MGAT4C: variants seen among roughly 807,000 people sequenced by gnomAD.
MGAT4C encodes the protein MGAT4 family member C.
A neutral mutation model predicts 40.1 loss-of-function variants in MGAT4C; 19 were observed. The observed-to-expected ratio is 0.47, with a 90% CI of 0.33 to 0.70. The LOEUF is 0.70. MGAT4C is among the 30% of genes least tolerant of loss of function. The pLI is 0.02. For synonymous variants in MGAT4C, 181 were observed against 187.1 expected, an observed-to-expected ratio of 0.97 and a Z score of 0.27; for missense variants, 491 against 563.2, an observed-to-expected ratio of 0.87 and a Z score of 1.30.
chr12:86,187,474 AC>A (rs1165246856), intron 1 of MGAT4C, among the ~76,000 whole-genome samples: 6 of 152,044 alleles, frequency 3.9e-5, no homozygotes, highest in African/African-American at 1.4e-4. Context: ...CCTTTGCATT[AC>A]TTTTTTCCTA....
At chr12:86,653,503 C>A (rs1963755319) in intron 2 of MGAT4C, among the ~76,000 whole-genome samples, 1 of 151,854 alleles carries the variant, frequency 6.6e-6, no homozygotes, top group African/African-American at 2.4e-5. Context: ...AATGCTCATA[C>A]CTAGCTGTAT....
chr12:86,114,199 T>G (rs1386555010), intron 1 of MGAT4C, among the ~76,000 whole-genome samples: 1 of 151,900 alleles, frequency 6.6e-6, no homozygotes, highest in African/African-American at 2.4e-5. Flanking sequence ...TCGTCCCTTC[T>G]CTGGCCTCAC....
At chr12:86,629,255 A>C (rs1249853924) in intron 2 of MGAT4C, among the ~76,000 whole-genome samples, 1 of 152,168 alleles carries the variant, frequency 6.6e-6, no homozygotes, top group Non-Finnish European at 1.5e-5. Flanking sequence ...TTCATAAAGC[A>C]GTCCTTAGAG....
chr12:86,765,525 G>C (rs1438130860), intron 1 of MGAT4C, among the ~76,000 whole-genome samples: 1 of 152,088 alleles, frequency 6.6e-6, no homozygotes, highest in Admixed American at 6.6e-5. Flanking sequence ...ACGCCACAAA[G>C]ATACCCCTTG....
chr12:86,125,405 T>C (rs1440788502), intron 1 of MGAT4C, among the ~76,000 whole-genome samples: 2 of 152,194 alleles, frequency 1.3e-5, no homozygotes, highest in African/African-American at 4.8e-5. Context: ...TGGGTCTCAT[T>C]CATTTTTATA....
At chr12:86,024,586 G>A (rs1446299718) in intron 2 of MGAT4C, among the ~76,000 whole-genome samples, 1 of 151,670 alleles carries the variant, frequency 6.6e-6, no homozygotes, top group Non-Finnish European at 1.5e-5. Flanking sequence ...GACAAATCAG[G>A]CCACAAAACT....
rs373461500 is a variant in MGAT4C, at chr12:86,330,632, G to T, written c.-57+3433C>A. Among the ~76,000 whole-genome samples, 35 of 152,058 alleles carry T rather than the reference G, an allele frequency of 2.3e-4. No individual in the cohort carries two copies. The East Asian group carries it at 6.2e-3, about 27-fold the overall frequency. On this transcript the variant is annotated intron_variant, in intron 4 of 7. Transcript: ENST00000548651. Reference sequence around the variant, plus strand: ...ATAAACCAGTGATTACATAACTTTTGGATCTGTGTGATAGTCTTATTTATA... The same window carrying T: ...ATAAACCAGTGATTACATAACTTTTTGATCTGTGTGATAGTCTTATTTATA...
intron 2 of MGAT4C, among the ~76,000 whole-genome samples, chr12:86,614,047 T>A (rs1003438663): frequency 6.6e-6 from 1 of 152,102 alleles, no homozygotes. Context: ...ACATCCTCTA[T>A]AATTGCTAAA....
intron 1 of MGAT4C, among the ~76,000 whole-genome samples, chr12:86,736,636 G>A (rs1248356764): frequency 6.6e-6 from 1 of 151,644 alleles, no homozygotes; most frequent in African/African-American, 2.4e-5. Flanking sequence ...AACTCACATT[G>A]TATCATCCTA....
intron 2 of MGAT4C, among the ~76,000 whole-genome samples, chr12:86,437,011 T>A (rs1163208453): frequency 1.3e-5 from 2 of 151,734 alleles, no homozygotes; most frequent in Non-Finnish European, 3.0e-5. Flanking sequence ...ATTTTCGATG[T>A]AGAAATGAAA....
chr12:86,825,891 T>C (rs192203042), intron 1 of MGAT4C, among the ~76,000 whole-genome samples: 28 of 151,558 alleles, frequency 1.8e-4, no homozygotes, highest in African/African-American at 6.3e-4. Flanking sequence ...ATAAGGGGTC[T>C]TGGAGATTTA....
At chr12:86,316,079 C>CAAAAAAAAAAAAAAAAAAAAAAAA in intron 4 of MGAT4C, among the ~76,000 whole-genome samples, 1 of 34,062 alleles carries the variant, frequency 2.9e-5, no homozygotes, top group Non-Finnish European at 5.0e-5. Context: ...ATACAAGCAG[C>CAAAAAAAAAAAAAAAAAAAAAAAA]AAAAAAAAAA....
At chr12:86,752,743 A>G (rs149829626) in intron 1 of MGAT4C, among the ~76,000 whole-genome samples, 41 of 152,270 alleles carry the variant, frequency 2.7e-4, no homozygotes, top group Middle Eastern at 3.4e-3. Flanking sequence ...GTCCAGAAGT[A>G]GACCCATGCA....
chr12:86,665,940 A>C (rs1218771609), intron 2 of MGAT4C, among the ~76,000 whole-genome samples: 1 of 152,166 alleles, frequency 6.6e-6, no homozygotes, highest in Non-Finnish European at 1.5e-5. Flanking sequence ...ACAGAAAAAT[A>C]AACCATTATA....
At position 86,084,451 on chromosome 12, in the gene MGAT4C, T is replaced by C. The variant is rs920049838; in HGVS notation, c.-56-34728A>G. On this transcript the variant is annotated intron_variant, in intron 1 of 4. Coordinates refer to ENST00000611864, the MANE Select transcript of MGAT4C (RefSeq NM_001351288.2). ...GTGAATCATGTAAATGTTGATAATA[T>C]TCTGTGTATTACACATTTAGTGTTT... Among the ~76,000 whole-genome samples, 104 of 152,204 alleles carry C rather than the reference T, an allele frequency of 6.8e-4. 1 individual carries two copies. Among genetic ancestry groups the C allele is most frequent in the African/African-American group, 2.4e-3 (101 of 41,574 alleles).
chr12:86,622,644 T>C (rs1360837363), intron 2 of MGAT4C, among the ~76,000 whole-genome samples: 1 of 152,120 alleles, frequency 6.6e-6, no homozygotes, highest in African/African-American at 2.4e-5. Context: ...AATAAAAGTG[T>C]TTAAAATAAT....
Position 86,528,816 on chromosome 12 carries a change from G to A in MGAT4C, c.-228-93551C>T, listed in dbSNP as rs187754275. On this transcript the variant is annotated intron_variant, in intron 2 of 7. Transcript: ENST00000548651. Reference sequence around the variant, plus strand: ...CTCATTTAACTCTTTCCTTTCTTCTGACTGATAATCAGCTTTTGACAGTTG... The same window carrying A: ...CTCATTTAACTCTTTCCTTTCTTCTAACTGATAATCAGCTTTTGACAGTTG... 5.3e-5 allele frequency among the ~76,000 whole-genome samples: 8 copies of A among 151,630 alleles called. No individual in the cohort carries two copies. The East Asian group carries it at 1.6e-3, about 29-fold the overall frequency.
chr12:86,506,709 G>A (rs1256462980), intron 2 of MGAT4C, among the ~76,000 whole-genome samples: 4 of 152,138 alleles, frequency 2.6e-5, no homozygotes, highest in Non-Finnish European at 5.9e-5. Context: ...TGTGGATCAA[G>A]AAATGCAGAA....
At chr12:86,615,279 A>C (rs982535025) in intron 2 of MGAT4C, among the ~76,000 whole-genome samples, 1 of 152,036 alleles carries the variant, frequency 6.6e-6, no homozygotes, top group Non-Finnish European at 1.5e-5. Flanking sequence ...CCAGAACTCT[A>C]TACTAAAAGG....
Sources: gnomAD v4.1 joint callset for allele counts (sites outside exome capture counted in the v4.1 genomes callset) on GRCh38, gnomAD v4.1.1 for gene constraint, MANE v1.5 for transcripts, NCBI Gene and HGNC (gene_info 2026-07-23, HGNC 2026-07-21) for gene names.